Variants in SMCO1 observed in about 807,000 individuals in gnomAD.
SMCO1 encodes single-pass membrane and coiled-coil domain-containing protein 1.
A neutral mutation model predicts 7.5 loss-of-function variants in SMCO1; 9 were observed. That is an observed-to-expected ratio of 1.20 (90% CI 0.72 to 2.09). The LOEUF is 2.09. Ranked by LOEUF, SMCO1 falls within the 30% of genes most tolerant of loss-of-function variation. The pLI is 0.00. For missense variants in SMCO1, 219 were observed against 253.1 expected (o/e 0.87, Z 0.91); for synonymous variants, 90 against 93.8 (o/e 0.96, Z 0.23).
chr3:196,520,785 G>A, the SMCO1 span, among the ~76,000 whole-genome samples: 108 of 152,246 alleles, frequency 7.1e-4, no homozygotes, highest in African/African-American at 2.6e-3. Flanking sequence ...GGATTACCTA[G>A]GTGCTGAGAC....
At chr3:196,513,328 CAA>C (rs1164510654) in intron 1 of SMCO1, among the ~76,000 whole-genome samples, 36 of 125,576 alleles carry the variant, frequency 2.9e-4, no homozygotes, top group Admixed American at 2.5e-4. Flanking sequence ...GACCCTGTGT[CAA>C]AAAAAAAAAA....
chr3:196,514,978 G>T, intron 1 of SMCO1, 182 bp downstream of exon 1: 2 of 675,954 alleles, frequency 3.0e-6, no homozygotes, highest in East Asian at 2.7e-5. Flanking sequence ...TTGACCCTGT[G>T]ATCCGCCCAC....
Position 196,515,200 on chromosome 3 carries a change from C to A in SMCO1, c.10G>T (p.Glu4Ter). The stretch of plus-strand genomic sequence containing the variant: ...TTCAAGGATATCAGGGTTGTGGTTT[C>A]ATTGTTCATCTTCTGAAGGCAAAAG... The part of the protein sequence containing the change: MNN[E>*]TTTLISLKEA... The change falls in exon 1 of 3, where the codon GAA becomes TAA. Residue 4 changes from glutamate (E) to a stop codon, truncating the protein, a stop_gained. Transcript: ENST00000397537. LOFTEE classifies it high-confidence loss of function. The A allele has an allele frequency of 6.2e-7, 1 of 1,612,960 alleles. No individual in the cohort carries two copies. The highest frequency in any genetic ancestry group is 8.5e-7 in the Non-Finnish European group (1 of 1,178,938).
chr3:196,508,036 T>C lies in SMCO1; in HGVS notation c.496A>G (p.Thr166Ala), dbSNP rs2108660090. Residue 166 changes from threonine (T) to alanine (A), a missense_variant, in exon 3 of 3, where the codon ACG (threonine) becomes GCG (alanine). By Grantham distance (58) the Thr-to-Ala change is moderately conservative (BLOSUM62 0). Coordinates refer to ENST00000397537, the MANE Select transcript of SMCO1 (RefSeq NM_001077657.3). The part of the protein sequence containing the change: ...KVRQMYIRDV[T>A]FLITNMVKNQ... ...TTTACCATGTTAGTAATTAGGAACGTGACATCCCTGATGTACATCTGCCTC... is the reference window on the plus strand; with the variant it reads ...TTTACCATGTTAGTAATTAGGAACGCGACATCCCTGATGTACATCTGCCTC... The C allele has an allele frequency of 6.2e-7, 1 of 1,614,182 alleles. No homozygotes were observed. The highest frequency in any genetic ancestry group is 2.2e-5 in the East Asian group (1 of 44,890).
At position 196,515,232 on chromosome 3, in the gene SMCO1, A is replaced by C. The variant is rs372386896; in HGVS notation, c.-23T>G. On this transcript the variant is annotated 5_prime_UTR_variant, in exon 1 of 3. Coordinates refer to ENST00000397537, the MANE Select transcript of SMCO1 (RefSeq NM_001077657.3). Reference sequence around the variant, plus strand: ...CATCTTCTGAAGGCAAAAGGAAAGAAAACAAAAACAAAGCAAAACAAAAAA... The same window carrying C: ...CATCTTCTGAAGGCAAAAGGAAAGACAACAAAAACAAAGCAAAACAAAAAA... 2.9e-5 allele frequency: 45 copies of C among 1,571,550 alleles called. No individual in the cohort carries two copies. The African/African-American group carries it at 4.0e-4, about 14-fold the overall frequency.
At chr3:196,517,104 CAAAAAAAAAAAAA>C (rs56104987), upstream of SMCO1, among the ~76,000 whole-genome samples, 29 of 35,746 alleles carry the variant, frequency 8.1e-4, 1 homozygote, top group East Asian at 0.021. Context: ...GACTCCATCG[CAAAAAAAAAAAAA>C]AAAAAAAAAA....
At chr3:196,516,092 T>A (rs1470943184), upstream of SMCO1, among the ~76,000 whole-genome samples, 8 of 141,356 alleles carry the variant, frequency 5.7e-5, no homozygotes, top group Admixed American at 1.5e-4. Flanking sequence ...GTATATAAAA[T>A]ATATATATAA....
intron 1 of SMCO1, among the ~76,000 whole-genome samples, chr3:196,514,790 G>A (rs1733338337): frequency 6.6e-6 from 1 of 152,196 alleles, no homozygotes; most frequent in African/African-American, 2.4e-5. Flanking sequence ...TTGCCAGGCT[G>A]GAGTGCAGTG....
upstream of SMCO1, among the ~76,000 whole-genome samples, chr3:196,518,575 A>G (rs1733434231): frequency 6.6e-6 from 1 of 150,546 alleles, no homozygotes; most frequent in Non-Finnish European, 1.5e-5. Flanking sequence ...TCAGCCTCCC[A>G]AAGTGCTGGA....
intron 2 of SMCO1, among the ~76,000 whole-genome samples, chr3:196,508,546 T>C (rs945375398): frequency 1.3e-5 from 2 of 151,974 alleles, no homozygotes; most frequent in Admixed American, 6.5e-5. Context: ...CAGGCTGTTC[T>C]CAAACTCCTG....
At chr3:196,514,737 G>T (rs1345515671) in intron 1 of SMCO1, among the ~76,000 whole-genome samples, 1 of 152,222 alleles carries the variant, frequency 6.6e-6, no homozygotes, top group Non-Finnish European at 1.5e-5. Context: ...TTAAACCACT[G>T]TAATAGAGAC....
At position 196,509,589 on chromosome 3, in the gene SMCO1, T is replaced by C; in HGVS notation, c.131A>G (p.Glu44Gly). 2.5e-6 allele frequency: 4 copies of C among 1,614,108 alleles called. No individual in the cohort carries two copies. Among genetic ancestry groups the C allele is most frequent in the African/African-American group, 1.3e-5 (1 of 75,030 alleles). ...FTKDNLMQKF[E>G]HHSKALASQA... ...GCTTGCCAAAGCCTTACTATGATGT[T>C]CGAATTTCTGCATCAGGTTATCCTT... The change falls in exon 2 of 3, where the codon GAA becomes GGA. Residue 44 changes from glutamate (E) to glycine (G), a missense_variant. Transcript: ENST00000397537.
At chr3:196,512,175 G>T (rs559400977) in intron 1 of SMCO1, among the ~76,000 whole-genome samples, 47 of 151,550 alleles carry the variant, frequency 3.1e-4, no homozygotes, top group African/African-American at 9.5e-4. Flanking sequence ...GTGGTTATGA[G>T]GGAAACTTGC....
chr3:196,513,182 G>C (rs1733294606), intron 1 of SMCO1, among the ~76,000 whole-genome samples: 1 of 152,042 alleles, frequency 6.6e-6, no homozygotes, highest in Admixed American at 6.6e-5. Flanking sequence ...TAAAAAATTA[G>C]CCTAGTGTGG....
Position 196,515,190 on chromosome 3 carries a change from G to C in SMCO1, c.20C>G (p.Thr7Ser). 2 of 1,613,742 alleles carry C rather than the reference G, an allele frequency of 1.2e-6. No individual in the cohort carries two copies. Among genetic ancestry groups the C allele is most frequent in the Non-Finnish European group, 1.7e-6 (2 of 1,179,658 alleles). ...CATTGCCTCCTTCAAGGATATCAGG[G>C]TTGTGGTTTCATTGTTCATCTTCTG... The part of the protein sequence containing the change: MNNETT[T>S]LISLKEAMKR... Residue 7 changes from threonine to serine, a missense_variant, in exon 1 of 3, where the codon ACC becomes AGC. Transcript: ENST00000397537.
rs1194738743 is a variant in SMCO1 at position 196,508,215 on chromosome 3, G to A, written c.317C>T (p.Ala106Val). ...PDLVRGLPTL[A>V]SVLRRKVKNK... ...CTTAACTTTTCTTCTGAGTACAGAG[G>A]CTAAGGTTGGAAGACCTCTCACCAG... Residue 106 changes from alanine (A) to valine (V), a missense_variant, in exon 3 of 3, where the codon GCC becomes GTC. Ala to Val is a moderately conservative substitution (Grantham distance 64). Coordinates refer to ENST00000397537, the MANE Select transcript of SMCO1 (RefSeq NM_001077657.3). 6.2e-7 allele frequency: 1 copy of A among 1,614,152 alleles called. No individual in the cohort carries two copies. The highest frequency in any genetic ancestry group is 1.7e-5 in the Admixed American group (1 of 60,012).
upstream of SMCO1, among the ~76,000 whole-genome samples, chr3:196,516,712 A>G (rs1275135470): frequency 6.6e-6 from 1 of 152,168 alleles, no homozygotes; most frequent in Non-Finnish European, 1.5e-5. Flanking sequence ...GGAACATACT[A>G]GCAGGGAGAC....
At chr3:196,520,223 T>C (rs1342968601), upstream of SMCO1, among the ~76,000 whole-genome samples, 1 of 152,168 alleles carries the variant, frequency 6.6e-6, no homozygotes, top group Non-Finnish European at 1.5e-5. Context: ...AAAAATTCGA[T>C]CTTTTCTGCA....
chr3:196,518,158 A>G (rs1733428113), upstream of SMCO1, among the ~76,000 whole-genome samples: 1 of 152,208 alleles, frequency 6.6e-6, no homozygotes, highest in Non-Finnish European at 1.5e-5. Flanking sequence ...TTTGCATAAT[A>G]AAAGGCTAGG....
Sources: gnomAD v4.1 joint callset for allele counts (sites outside exome capture counted in the v4.1 genomes callset) on GRCh38, gnomAD v4.1.1 for gene constraint, MANE v1.5 for transcripts, NCBI Gene and HGNC (gene_info 2026-07-23, HGNC 2026-07-21) for gene names.